Variants in CRPPA observed in about 807,000 individuals in gnomAD.
The protein encoded by CRPPA is CDP-L-ribitol pyrophosphorylase A.
A neutral mutation model predicts 52.0 loss-of-function variants in CRPPA; 43 were observed. That is an observed-to-expected ratio of 0.83 (90% CI 0.65 to 1.07). The LOEUF (loss-of-function observed/expected upper bound fraction) is 1.07. Ranked by LOEUF, CRPPA falls within the 50% of genes least tolerant of loss-of-function variation. CRPPA has a pLI of 0.00. For missense variants in CRPPA, 629 were observed against 551.7 expected, an observed-to-expected ratio of 1.14 and a Z score of -1.40; for synonymous variants, 250 against 203.5, an observed-to-expected ratio of 1.23 and a Z score of -1.94.
chr7:16,167,315 TG>T (rs1295884581), intron 9 of CRPPA, among the ~76,000 whole-genome samples: 2 of 152,222 alleles, frequency 1.3e-5, no homozygotes, highest in Non-Finnish European at 2.9e-5. Context: ...CCTACCTGTT[TG>T]GGTTGAGCTG....
chr7:16,380,099 C>G lies in CRPPA; in HGVS notation c.535-3858G>C, dbSNP rs374736636. ...CAAAGGGAATGCTTCCAGTTTTTGC[C>G]CATTCAGTATGATATTGGCTGTGGG... On this transcript the variant is annotated intron_variant, in intron 2 of 9. Coordinates refer to ENST00000407010, the MANE Select transcript of CRPPA (RefSeq NM_001101426.4). 7.1e-4 allele frequency among the ~76,000 whole-genome samples: 107 copies of G among 150,642 alleles called. 2 individuals are homozygous for G. In the East Asian group the frequency reaches 0.019, roughly 27 times the overall value.
chr7:16,350,899 G>T (rs995145585), intron 3 of CRPPA, among the ~76,000 whole-genome samples: 1 of 152,112 alleles, frequency 6.6e-6, no homozygotes, highest in Non-Finnish European at 1.5e-5. Flanking sequence ...GTGAAGGGAT[G>T]AAAAAATACA....
intron 8 of CRPPA, among the ~76,000 whole-genome samples, chr7:16,252,041 G>C (rs1377535062): frequency 6.6e-6 from 1 of 152,076 alleles, no homozygotes; most frequent in African/African-American, 2.4e-5. Flanking sequence ...AAATGATAGA[G>C]AGCATATCAC....
chr7:16,213,177 A>G (rs1010573492), intron 9 of CRPPA, among the ~76,000 whole-genome samples: 2 of 152,242 alleles, frequency 1.3e-5, no homozygotes, highest in Non-Finnish European at 2.9e-5. Context: ...CTGTAAGTTC[A>G]CTGCTAGATC....
At chr7:16,317,707 T>C (rs573914366) in intron 3 of CRPPA, among the ~76,000 whole-genome samples, 1 of 152,336 alleles carries the variant, frequency 6.6e-6, no homozygotes, top group Non-Finnish European at 1.5e-5. Flanking sequence ...GCATCAATGA[T>C]GTTTCAATGA....
At chr7:16,400,275 C>A (rs982780750) in intron 2 of CRPPA, among the ~76,000 whole-genome samples, 3 of 152,222 alleles carry the variant, frequency 2.0e-5, no homozygotes, top group Admixed American at 2.0e-4. Context: ...ACGTGATTAC[C>A]TGTGTGACAT....
intron 9 of CRPPA, among the ~76,000 whole-genome samples, chr7:16,190,936 C>T (rs1781596714): frequency 6.6e-6 from 1 of 152,042 alleles, no homozygotes; most frequent in Admixed American, 6.6e-5. Flanking sequence ...GCCATGAATG[C>T]CATTATTTTG....
At chr7:16,335,484 T>A (rs571865206) in intron 3 of CRPPA, among the ~76,000 whole-genome samples, 77 of 152,226 alleles carry the variant, frequency 5.1e-4, no homozygotes, top group African/African-American at 1.8e-3. Context: ...AGATAAAGAC[T>A]ACAATAACTG....
chr7:16,320,876 A>T lies in CRPPA; in HGVS notation c.685-12249T>A, dbSNP rs189267443. On this transcript the variant is annotated intron_variant, in intron 3 of 9. Coordinates refer to ENST00000407010, the MANE Select transcript of CRPPA (RefSeq NM_001101426.4). ...TCAGTCATTTTATGAGTAAATAAAC[A>T]ATTTCAGACTAAGTCCATATGAGGC... 4.5e-3 allele frequency among the ~76,000 whole-genome samples: 682 copies of T among 152,272 alleles called. 3 individuals are homozygous for T. Among genetic ancestry groups the T allele is most frequent in the African/African-American group, 0.015 (620 of 41,566 alleles).
chr7:16,181,239 A>C (rs903351673), intron 9 of CRPPA, among the ~76,000 whole-genome samples: 1 of 151,960 alleles, frequency 6.6e-6, no homozygotes, highest in Admixed American at 6.6e-5. Flanking sequence ...TATTTTAAGA[A>C]AATGTATTTA....
intron 6 of CRPPA, among the ~76,000 whole-genome samples, chr7:16,266,607 T>C (rs1025613258): frequency 6.6e-6 from 1 of 151,910 alleles, no homozygotes; most frequent in Non-Finnish European, 1.5e-5. Flanking sequence ...GCCTACCAAG[T>C]AGCTGGGATT....
chr7:16,381,254 T>C (rs915441464), intron 2 of CRPPA, among the ~76,000 whole-genome samples: 6 of 152,228 alleles, frequency 3.9e-5, no homozygotes, highest in Non-Finnish European at 5.9e-5. Flanking sequence ...ATGTATCCAG[T>C]AGTCATTCCG....
intron 3 of CRPPA, among the ~76,000 whole-genome samples, chr7:16,368,798 T>G (rs1583553410): frequency 6.6e-6 from 1 of 152,112 alleles, no homozygotes; most frequent in East Asian, 1.9e-4. Context: ...ATGCTGCAAA[T>G]CACCAACCTT....
chr7:16,166,384 A>G (rs1781065427), intron 9 of CRPPA, among the ~76,000 whole-genome samples: 3 of 151,868 alleles, frequency 2.0e-5, no homozygotes, highest in African/African-American at 7.3e-5. Flanking sequence ...GGTTCCAGCG[A>G]TTCTCCTGCC....
At chr7:16,353,252 C>A (rs1400544809) in intron 3 of CRPPA, among the ~76,000 whole-genome samples, 1 of 152,056 alleles carries the variant, frequency 6.6e-6, no homozygotes, top group Non-Finnish European at 1.5e-5. Flanking sequence ...ACTCAGGAGG[C>A]TGAGGTGAGA....
chr7:16,180,549 C>T (rs1240417770), intron 9 of CRPPA, among the ~76,000 whole-genome samples: 1 of 152,166 alleles, frequency 6.6e-6, no homozygotes, highest in Non-Finnish European at 1.5e-5. Flanking sequence ...AATCTCATTA[C>T]ATGCGCATGT....
At chr7:16,310,052 G>C (rs530940583) in intron 3 of CRPPA, among the ~76,000 whole-genome samples, 2 of 152,204 alleles carry the variant, frequency 1.3e-5, no homozygotes, top group South Asian at 4.1e-4. Context: ...CCAAGAACAG[G>C]TGGAACAAAT....
rs1283737380 is a variant in CRPPA, at chr7:16,285,982, T to C, written c.836-7756A>G. ...TTGCAGTGAGCCAAGATTGCACCACTGCACTCCAGCTTAGGCAGTAAGAGT... is the reference window on the plus strand; with the variant it reads ...TTGCAGTGAGCCAAGATTGCACCACCGCACTCCAGCTTAGGCAGTAAGAGT... On this transcript the variant is annotated intron_variant, in intron 5 of 9. Transcript: ENST00000407010. Among the ~76,000 whole-genome samples the C allele has an allele frequency of 2.7e-5, 3 of 110,964 alleles. 1 individual carries two copies. The highest frequency in any genetic ancestry group is 3.6e-5 in the Non-Finnish European group (2 of 55,642). The allele number at this position is 110,964 out of a possible 152,430, so 72.8% of individuals were successfully genotyped here.
intron 8 of CRPPA, among the ~76,000 whole-genome samples, chr7:16,232,239 T>C (rs973170034): frequency 6.6e-6 from 1 of 152,184 alleles, no homozygotes; most frequent in African/African-American, 2.4e-5. Flanking sequence ...TGGTTTAAAT[T>C]TCCCTACCAA....
Sources: gnomAD v4.1 joint callset for allele counts (sites outside exome capture counted in the v4.1 genomes callset) on GRCh38, gnomAD v4.1.1 for gene constraint, MANE v1.5 for transcripts, NCBI Gene and HGNC (gene_info 2026-07-23, HGNC 2026-07-21) for gene names.